RHBG: variants seen among roughly 807,000 people sequenced by gnomAD.
RHBG encodes the protein Rh family B glycoprotein.
RHBG carries 39 observed loss-of-function variants against 40.1 expected under a neutral mutation model. That is an observed-to-expected ratio of 0.97 (90% CI 0.75 to 1.27). The LOEUF (loss-of-function observed/expected upper bound fraction) is 1.27. Among genes scored for constraint, RHBG ranks in the 50% most tolerant of loss-of-function variants. RHBG has a pLI of 0.00. For synonymous variants in RHBG, 237 were observed against 252.5 expected (o/e 0.94, Z 0.58); for missense variants, 549 against 588.1 (o/e 0.93, Z 0.69).
In RHBG at chr1:156,377,695, T is replaced by C. The variant is rs188590664; in HGVS notation, c.374+208T>C. Reference sequence around the variant, plus strand: ...CACTCAGCTCCACCTCCTCAGTCTTTAGGGCCCTTGTTCCCCAAGAGCTGT... The same window carrying C: ...CACTCAGCTCCACCTCCTCAGTCTTCAGGGCCCTTGTTCCCCAAGAGCTGT... On this transcript the variant is annotated intron_variant, in intron 2 of 9. Coordinates refer to ENST00000537040, the MANE Select transcript of RHBG (RefSeq NM_020407.5). The surrounding 1 kb of genome is among the most constrained non-coding windows in gnomAD (Gnocchi z 4.6). Among the ~76,000 whole-genome samples, 55 of 152,314 alleles carry C rather than the reference T, an allele frequency of 3.6e-4. No homozygotes were observed. Among genetic ancestry groups the C allele is most frequent in the Non-Finnish European group, 1.5e-5 (1 of 68,020 alleles).
chr1:156,380,016 T>C (rs1272462818), intron 4 of RHBG, among the ~76,000 whole-genome samples: 1 of 152,172 alleles, frequency 6.6e-6, no homozygotes, highest in Non-Finnish European at 1.5e-5. Context: ...CTAGGAGAGA[T>C]TGAGGTTATC....
chr1:156,382,610 C>A (rs1667734898), intron 7 of RHBG, 138 bp from the exon 8 acceptor site: 3 of 1,061,986 alleles, frequency 2.8e-6, no homozygotes, highest in African/African-American at 1.6e-5. Flanking sequence ...TGAGACTCAG[C>A]CTGGCATGCA....
chr1:156,380,112 C>CTTTTT (rs67037881), intron 4 of RHBG, among the ~76,000 whole-genome samples: 2 of 130,132 alleles, frequency 1.5e-5, no homozygotes, highest in Non-Finnish European at 3.2e-5. Context: ...CTTTCTTTTT[C>CTTTTT]TTTTTTTTTT....
chr1:156,381,826 G>A lies in RHBG; in HGVS notation c.861G>A (p.Ala287=), dbSNP rs376540119. 48 of 1,587,262 alleles carry A rather than the reference G, an allele frequency of 3.0e-5. No individual in the cohort carries two copies. Among genetic ancestry groups the A allele is most frequent in the Non-Finnish European group, 3.6e-5 (42 of 1,173,632 alleles). ...CTTAGGTCCACATCCAAAATGCAGC[G>A]CTGGCTGGAGGGGTTGTGGTGGGGA... ...RLDMVHIQNA[A]LAGGVVVGTS... Residue 287 remains alanine (A), a synonymous_variant, in exon 6 of 10, where the codon GCG becomes GCA. Coordinates refer to ENST00000537040, the MANE Select transcript of RHBG (RefSeq NM_020407.5).
chr1:156,376,484 C>A (rs1557798814), intron 1 of RHBG, among the ~76,000 whole-genome samples: 1 of 152,014 alleles, frequency 6.6e-6, no homozygotes, highest in Non-Finnish European at 1.5e-5. Context: ...GTCCCTCAAC[C>A]TCCCAAGCAG....
chr1:156,382,405 A>G, intron 7 of RHBG: 1 of 679,544 alleles, frequency 1.5e-6, no homozygotes, highest in Non-Finnish European at 2.5e-6. Context: ...GTCATGGAAC[A>G]AATGACTTCA....
intron 1 of RHBG, among the ~76,000 whole-genome samples, chr1:156,376,654 G>T (rs1054722322): frequency 6.6e-6 from 1 of 152,084 alleles, no homozygotes; most frequent in African/African-American, 2.4e-5. Context: ...GTGAGTTACT[G>T]TGCCCAACCT....
At chr1:156,378,169 G>T in intron 3 of RHBG, 29 bp downstream of exon 3, 1 of 1,600,388 alleles carries the variant, frequency 6.2e-7, no homozygotes, top group South Asian at 1.1e-5. Context: ...ATGGAGTCGG[G>T]GGTGGGGGGT....
At position 156,381,345 on chromosome 1, in the gene RHBG, AG is replaced by A; in HGVS notation, c.675del. Reference sequence around the variant, plus strand: ...CACTCTGCCTGTCTGTCCACCATCTAGGGACCATCTTCCTGTGGATCTTCTG... The same window carrying A: ...CACTCTGCCTGTCTGTCCACCATCTAGGACCATCTTCCTGTGGATCTTCTG... On this transcript the variant is annotated splice_acceptor_variant, in intron 4 of 9. Coordinates refer to ENST00000537040, the MANE Select transcript of RHBG (RefSeq NM_020407.5). LOFTEE classifies it high-confidence loss of function. 1.2e-6 allele frequency: 2 copies of A among 1,613,990 alleles called. No individual in the cohort carries two copies. Among genetic ancestry groups the A allele is most frequent in the Non-Finnish European group, 1.7e-6 (2 of 1,180,020 alleles).
intron 5 of RHBG, 100 bp from the exon 6 acceptor site, chr1:156,381,706 G>C: frequency 6.8e-7 from 1 of 1,479,468 alleles, no homozygotes; most frequent in East Asian, 2.3e-5. Flanking sequence ...AGATGGCAGA[G>C]GGACTTCCAG....
rs746961851 is a variant in RHBG at position 156,384,518 on chromosome 1, C to T, written c.1235-9C>T. Reference sequence around the variant, plus strand: ...AGAAGCCTCACAGATCCTCCCCTACCACCACCAGGGCTCCTGCTGAAGCTA... The same window carrying T: ...AGAAGCCTCACAGATCCTCCCCTACTACCACCAGGGCTCCTGCTGAAGCTA... On this transcript the variant is annotated splice_polypyrimidine_tract_variant and intron_variant, in intron 8 of 9. Transcript: ENST00000537040. 1.6e-5 allele frequency: 26 copies of T among 1,612,564 alleles called. No individual in the cohort carries two copies. The South Asian group carries it at 2.3e-4, about 14-fold the overall frequency.
intron 7 of RHBG, 28 bp from the exon 8 acceptor site, chr1:156,382,720 G>A (rs760645084): frequency 6.2e-7 from 1 of 1,613,328 alleles, no homozygotes; most frequent in Admixed American, 1.7e-5. Context: ...CCCTACCCCT[G>A]CCTTTCCTCT....
rs1667723913 is a variant in RHBG at position 156,382,456 on chromosome 1, AC to A, written c.1112+257del. The stretch of plus-strand genomic sequence containing the variant: ...ACTGAAGGGTCAGTAAGAGATAATG[AC>A]CTTTAGGATCTATTTTTGCACATCA... On this transcript the variant is annotated intron_variant, in intron 7 of 9. Coordinates refer to ENST00000537040, the MANE Select transcript of RHBG (RefSeq NM_020407.5). 5 of 626,522 alleles carry A rather than the reference AC, an allele frequency of 8.0e-6. No individual in the cohort carries two copies. In the East Asian group the frequency reaches 1.4e-4, roughly 17 times the overall value. The allele number at this position is 626,522 out of a possible 1,614,324, so 38.8% of individuals were successfully genotyped here. A position where few individuals can be genotyped will look rare whatever the true frequency, so the allele number is the denominator to read the frequency against.
intron 8 of RHBG, 67 bp from the exon 9 acceptor site, chr1:156,384,460 C>G (rs763104097): frequency 2.2e-5 from 33 of 1,471,478 alleles, no homozygotes; most frequent in African/African-American, 4.2e-5. Context: ...CCCTGTGGCA[C>G]TGGGTGGCAC....
Position 156,381,850 on chromosome 1 carries a change from G to A in RHBG, c.885G>A (p.Gly295=). 3 of 1,597,852 alleles carry A rather than the reference G, an allele frequency of 1.9e-6. No individual in the cohort carries two copies. Among genetic ancestry groups the A allele is most frequent in the Non-Finnish European group, 2.6e-6 (3 of 1,176,272 alleles). ...NAALAGGVVV[G]TSSEMMLTPF... is the part of the protein sequence containing the mutation. The stretch of plus-strand genomic sequence containing the variant: ...CGCTGGCTGGAGGGGTTGTGGTGGG[G>A]ACCTCAAGTGAAATGATGCTGACAC... The change falls in exon 6 of 10, where the codon GGG becomes GGA. Residue 295 remains glycine (G), a synonymous_variant. Transcript: ENST00000537040.
Position 156,384,864 on chromosome 1 carries a change from G to T in RHBG, c.*19G>T. On this transcript the variant is annotated 3_prime_UTR_variant, in exon 10 of 10. Transcript: ENST00000537040. ...GGCCTAACCCACTGCCAGCCCCTGA[G>T]AGGACACGCTCCTTTTCGAAGATGC... is the stretch of plus-strand genomic sequence containing the variant. The T allele has an allele frequency of 6.6e-7, 1 of 1,523,502 alleles. No individual in the cohort carries two copies. Among genetic ancestry groups the T allele is most frequent in the Non-Finnish European group, 9.1e-7 (1 of 1,102,082 alleles). The allele number at this position is 1,523,502 out of a possible 1,614,324, so 94.4% of individuals were successfully genotyped here.
In RHBG at chr1:156,382,169, T is replaced by C. The variant is rs771463516; in HGVS notation, c.1080T>C (p.Ala360=). 6.2e-7 allele frequency: 1 copy of C among 1,614,140 alleles called. No individual in the cohort carries two copies. Among genetic ancestry groups the C allele is most frequent in the Non-Finnish European group, 8.5e-7 (1 of 1,180,024 alleles). ...GGGCCCTCCTGGGGGTCCTTGTGGC[T>C]GGACTTGCCACCCATGAAGCTTACG... The part of the protein sequence containing the change: ...VLGALLGVLV[A]GLATHEAYGD... Residue 360 remains alanine, a synonymous_variant, in exon 7 of 10, where the codon GCT becomes GCC. Transcript: ENST00000537040.
Position 156,382,121 on chromosome 1 carries a change from C to G in RHBG, c.1032C>G (p.Leu344=). 1 of 1,614,020 alleles carries G rather than the reference C, an allele frequency of 6.2e-7. No individual in the cohort carries two copies. Among genetic ancestry groups the G allele is most frequent in the African/African-American group, 1.3e-5 (1 of 75,052 alleles). Residue 344 remains leucine, a synonymous_variant, in exon 7 of 10, where the codon CTC becomes CTG. Coordinates refer to ENST00000537040, the MANE Select transcript of RHBG (RefSeq NM_020407.5). ...KVQDTCGVHN[L]HGMPGVLGAL... ...AAGACACATGTGGAGTCCACAACCT[C>G]CATGGGATGCCGGGGGTCCTGGGGG...
In RHBG at chr1:156,384,551, T is replaced by C. The variant is rs760041443; in HGVS notation, c.1259T>C (p.Leu420Pro). 2 of 1,542,692 alleles carry C rather than the reference T, an allele frequency of 1.3e-6. No individual in the cohort carries two copies. The highest frequency in any genetic ancestry group is 2.3e-5 in the East Asian group (1 of 43,646). The change falls in exon 9 of 10, where the codon CTG becomes CCG. Residue 420 changes from leucine (L) to proline (P), a missense_variant. By Grantham distance (98) the Leu-to-Pro change is moderately conservative (BLOSUM62 -3). Coordinates refer to ENST00000537040, the MANE Select transcript of RHBG (RefSeq NM_020407.5). Reference protein sequence around the residue: ...LGGLLLKLPFLDSPPDSQHYE... With the variant: ...LGGLLLKLPFPDSPPDSQHYE... ...GGGCTCCTGCTGAAGCTACCCTTTC[T>C]GGACTCCCCCCCAGACTCCCAGCAC...
Sources: allele counts gnomAD v4.1 joint callset (sites outside exome capture counted in the v4.1 genomes callset), GRCh38; gene constraint gnomAD v4.1.1; non-coding constraint Gnocchi (gnomAD v3.1); transcripts MANE v1.5; gene names NCBI Gene and HGNC (gene_info 2026-07-23, HGNC 2026-07-21).